Variants in SGSM3 observed in about 807,000 individuals in gnomAD.
The protein encoded by SGSM3 is RUN and SH3 containing 3.
A neutral mutation model predicts 100.5 loss-of-function variants in SGSM3; 96 were observed. The observed-to-expected ratio is 0.96, with a 90% confidence interval of 0.81 to 1.13. The LOEUF is 1.13. Ranked by LOEUF, SGSM3 falls within the 50% of genes most tolerant of loss-of-function variation. SGSM3 has a pLI of 0.00. For missense variants in SGSM3, 1,001 were observed against 1,015.8 expected (o/e 0.99, Z 0.20); for synonymous variants, 483 against 422.8 (o/e 1.14, Z -1.75).
At chr22:40,382,818 CT>C (rs2047788217) in intron 1 of SGSM3, among the ~76,000 whole-genome samples, 1 of 152,172 alleles carries the variant, frequency 6.6e-6, no homozygotes, top group Admixed American at 6.5e-5. Flanking sequence ...AACTTTTTCA[CT>C]TATTCTGCAG....
At chr22:40,394,373 C>T (rs1198013185) in intron 1 of SGSM3, among the ~76,000 whole-genome samples, 1 of 152,216 alleles carries the variant, frequency 6.6e-6, no homozygotes, top group Non-Finnish European at 1.5e-5. Context: ...ACTGGCCAGG[C>T]ATGATGGCTC....
At chr22:40,400,550 G>A (rs2050614687) in intron 1 of SGSM3, 146 bp from the exon 2 acceptor site, 1 of 354,654 alleles carries the variant, frequency 2.8e-6, no homozygotes, top group Admixed American at 4.4e-5. Context: ...GGCCGAGGCA[G>A]AAGAATCTCT....
intron 4 of SGSM3, among the ~76,000 whole-genome samples, chr22:40,403,459 T>C (rs1458929961): frequency 6.6e-6 from 1 of 152,186 alleles, no homozygotes; most frequent in East Asian, 1.9e-4. Flanking sequence ...GGAGTTCTCA[T>C]TTTAGTGAGG....
chr22:40,373,482 G>A (rs992514951), intron 1 of SGSM3: 1 of 152,132 alleles, frequency 6.6e-6, no homozygotes, highest in Non-Finnish European at 1.5e-5. Context: ...TATCTACTGT[G>A]TATATCATCT....
chr22:40,373,238 TATC>T (rs980668127), intron 1 of SGSM3: 37 of 152,336 alleles, frequency 2.4e-4, no homozygotes, highest in African/African-American at 8.7e-4. Flanking sequence ...TGTACTACCT[TATC>T]AACAACTGTG....
In SGSM3 at chr22:40,406,743, T is replaced by G. The variant is rs1225860230; in HGVS notation, c.1185+81T>G. 3.3e-6 allele frequency: 4 copies of G among 1,228,468 alleles called. No homozygotes were observed. In the African/African-American group the frequency reaches 6.0e-5, roughly 18 times the overall value. The allele number at this position is 1,228,468 out of a possible 1,614,324, so 76.1% of individuals were successfully genotyped here. A position where few individuals can be genotyped will look rare whatever the true frequency, so the allele number is the denominator to read the frequency against. On this transcript the variant is annotated intron_variant, in intron 10 of 21. Coordinates refer to ENST00000248929, the MANE Select transcript of SGSM3 (RefSeq NM_015705.6). ...ACCTTGAAGTTCAGAGCGCGGGGGC[T>G]GCGGAAAACAAACCAGCCCTTCCTG...
chr22:40,406,959 T>C, intron 10 of SGSM3, 58 bp from the exon 11 acceptor site: 1 of 1,504,678 alleles, frequency 6.6e-7, no homozygotes, highest in Non-Finnish European at 9.1e-7. Flanking sequence ...AGCCAAGGGC[T>C]GGTGGGTTCT....
rs1418122831 is a variant in SGSM3 at position 40,402,180 on chromosome 22, GT to G, written c.135del (p.Phe45LeufsTer23). 1.2e-6 allele frequency: 2 copies of G among 1,613,934 alleles called. No homozygotes were observed. Among genetic ancestry groups the G allele is most frequent in the Admixed American group, 3.3e-5 (2 of 59,998 alleles). On this transcript the variant is annotated frameshift_variant, in exon 4 of 22. Transcript: ENST00000248929. LOFTEE classifies it high-confidence loss of function. The part of the protein sequence containing the change: ...AEQPEFYYDE[F>X]GFRVYKEEGD... The stretch of plus-strand genomic sequence containing the variant: ...AGCAACCAGAGTTCTACTACGATGA[GT>G]TTGGTTTCCGTGTGTACAAGGAAGG...
intron 10 of SGSM3, 174 bp from the exon 11 acceptor site, chr22:40,406,843 A>AGGTTCT: frequency 2.3e-6 from 2 of 864,092 alleles, no homozygotes; most frequent in Non-Finnish European, 3.7e-6. Flanking sequence ...TGTGCACCTC[A>AGGTTCT]GGTTCTGATC....
At chr22:40,397,265 A>G (rs1481336686) in intron 1 of SGSM3, among the ~76,000 whole-genome samples, 1 of 152,132 alleles carries the variant, frequency 6.6e-6, no homozygotes, top group East Asian at 1.9e-4. Context: ...TCAACCCTGC[A>G]GACTCTATAT....
At chr22:40,380,647 A>G (rs186732924) in intron 1 of SGSM3, among the ~76,000 whole-genome samples, 28 of 152,244 alleles carry the variant, frequency 1.8e-4, no homozygotes, top group Admixed American at 1.4e-3. Flanking sequence ...CTATAACTTT[A>G]TAATCATAAA....
At chr22:40,405,319 C>G (rs940365274) in intron 7 of SGSM3, 35 bp downstream of exon 7, 1 of 1,447,264 alleles carries the variant, frequency 6.9e-7, no homozygotes, top group African/African-American at 1.5e-5. Context: ...GTGGCAGCCC[C>G]AGGACCCCCT....
chr22:40,389,600 GAAAAAAAAAAAA>G lies in SGSM3; in HGVS notation c.-111-11083_-111-11072del, dbSNP rs71326802. On this transcript the variant is annotated intron_variant, in intron 1 of 21. Transcript: ENST00000248929. The stretch of plus-strand genomic sequence containing the variant: ...GGCCACAGTGCAAGACTCCGTCTCA[GAAAAAAAAAAAA>G]AAAAAAAAAAAAGGGCCGGGCGCGG... Among the ~76,000 whole-genome samples the G allele has an allele frequency of 9.4e-3, 316 of 33,650 alleles. 3 individuals carry two copies. Among genetic ancestry groups the G allele is most frequent in the African/African-American group, 0.037 (282 of 7,522 alleles). 22.1% of individuals were successfully genotyped at this position (33,650 alleles called of 152,430 possible). A position where few individuals can be genotyped will look rare whatever the true frequency, so the allele number is the denominator to read the frequency against.
At chr22:40,381,132 CA>C (rs1366349676) in intron 1 of SGSM3, among the ~76,000 whole-genome samples, 1 of 151,878 alleles carries the variant, frequency 6.6e-6, no homozygotes, top group Non-Finnish European at 1.5e-5. Flanking sequence ...AAAAGAGGTA[CA>C]CGCTTTTCTT....
chr22:40,409,776 C>A lies in SGSM3; in HGVS notation c.*17C>A, dbSNP rs750581966. On this transcript the variant is annotated 3_prime_UTR_variant, in exon 22 of 22. Coordinates refer to ENST00000248929, the MANE Select transcript of SGSM3 (RefSeq NM_015705.6). Reference sequence around the variant, plus strand: ...GACGGGTGACCCCCTCCTCCCCAGCCCAACCTCGGGCCTGCGTCTGAGGTG... The same window carrying A: ...GACGGGTGACCCCCTCCTCCCCAGCACAACCTCGGGCCTGCGTCTGAGGTG... 1.2e-6 allele frequency: 2 copies of A among 1,602,010 alleles called. No individual in the cohort carries two copies. The highest frequency in any genetic ancestry group is 1.1e-5 in the South Asian group (1 of 90,756).
At chr22:40,379,866 C>T (rs1369452544) in intron 1 of SGSM3, among the ~76,000 whole-genome samples, 3 of 152,092 alleles carry the variant, frequency 2.0e-5, no homozygotes, top group Non-Finnish European at 2.9e-5. Flanking sequence ...TGCACCACCA[C>T]GCCCAGCTAA....
chr22:40,402,080 A>T lies in SGSM3; in HGVS notation c.91-59A>T. ...GGCAACCCTGTGGGTGGCATCTTTC[A>T]GACCTGAGGCCCCCAACTAGGGGAC... On this transcript the variant is annotated intron_variant, in intron 3 of 21. Transcript: ENST00000248929. 2.3e-6 allele frequency: 3 copies of T among 1,331,560 alleles called. No individual in the cohort carries two copies. The South Asian group carries it at 3.5e-5, about 16-fold the overall frequency. The allele number at this position is 1,331,560 out of a possible 1,614,324, so 82.5% of individuals were successfully genotyped here.
At chr22:40,405,034 G>C in intron 6 of SGSM3, 107 bp from the exon 7 acceptor site, 1 of 1,396,872 alleles carries the variant, frequency 7.2e-7, no homozygotes, top group South Asian at 1.6e-5. Context: ...CCTTGATCAG[G>C]AACACAAGGA....
rs1027768854 is a variant in SGSM3 at position 40,409,815 on chromosome 22, A to G, written c.*56A>G. 17 of 1,577,020 alleles carry G rather than the reference A, an allele frequency of 1.1e-5. No individual in the cohort carries two copies. The highest frequency in any genetic ancestry group is 1.3e-5 in the Non-Finnish European group (15 of 1,167,770). ...GCGTCTGAGGTGGCCCAGGACCCCA[A>G]GCTGCAGAGCCCAGGGAAGAGCAGC... is the stretch of plus-strand genomic sequence containing the variant. On this transcript the variant is annotated 3_prime_UTR_variant, in exon 22 of 22. Coordinates refer to ENST00000248929, the MANE Select transcript of SGSM3 (RefSeq NM_015705.6).
Sources: gnomAD v4.1 joint callset for allele counts (sites outside exome capture counted in the v4.1 genomes callset) on GRCh38, gnomAD v4.1.1 for gene constraint, MANE v1.5 for transcripts, NCBI Gene and HGNC (gene_info 2026-07-23, HGNC 2026-07-21) for gene names.